The following ZEB1 variants were observed in gnomAD, a reference collection of about 807,000 sequenced individuals.
The protein encoded by ZEB1 is zinc finger E-box binding homeobox 1, also known as zinc finger E-box-binding homeobox 1.
ZEB1 carries 21 observed loss-of-function variants against 84.9 expected under a neutral mutation model. That is an observed-to-expected ratio of 0.25 (90% CI 0.18 to 0.36). The LOEUF (loss-of-function observed/expected upper bound fraction) is 0.36, where lower values mean the gene tolerates loss of function less well. ZEB1 is among the 10% of genes least tolerant of loss of function. The pLI, the probability that ZEB1 is intolerant of heterozygous loss-of-function variation, is 1.00. For missense variants in ZEB1, 1,104 were observed against 1,330.2 expected (o/e 0.83, Z 2.65); for synonymous variants, 420 against 471.1 (o/e 0.89, Z 1.41).
chr10:31,323,963 T>TTGTGTGTGTGTGTGTGTG (rs1564458960), intron 1 of ZEB1, among the ~76,000 whole-genome samples: 22 of 111,738 alleles, frequency 2.0e-4, no homozygotes, highest in African/African-American at 7.2e-4. Flanking sequence ...TCATGGTTCT[T>TTGTGTGTGTGTGTGTGTG]CGTGTGTGTG....
intron 2 of ZEB1, among the ~76,000 whole-genome samples, chr10:31,462,932 A>G (rs965489827): frequency 6.6e-6 from 1 of 152,112 alleles, no homozygotes; most frequent in Non-Finnish European, 1.5e-5. Flanking sequence ...GAAAGGAGAT[A>G]GAATATATAA....
intron 1 of ZEB1, among the ~76,000 whole-genome samples, chr10:31,398,707 C>T (rs1295172957): frequency 3.9e-5 from 6 of 152,170 alleles, no homozygotes; most frequent in Admixed American, 3.9e-4. Context: ...AGATGGTCAT[C>T]TCAGTCTTCC....
intron 2 of ZEB1, among the ~76,000 whole-genome samples, chr10:31,476,830 ATGCAGAAGAGGCTGT>A (rs1456604705): frequency 6.6e-6 from 1 of 152,124 alleles, no homozygotes; most frequent in Non-Finnish European, 1.5e-5. Flanking sequence ...CAATCAATAG[ATGCAGAAGAGGCTGT>A]TGGTAAAATT....
chr10:31,425,990 G>A (rs1447439807), intron 1 of ZEB1, among the ~76,000 whole-genome samples: 2 of 152,122 alleles, frequency 1.3e-5, no homozygotes, highest in Non-Finnish European at 2.9e-5. Flanking sequence ...TATTTTTGGA[G>A]TACCATGGTA....
intron 1 of ZEB1, among the ~76,000 whole-genome samples, chr10:31,443,344 G>T (rs1408559566): frequency 1.3e-5 from 2 of 150,992 alleles, no homozygotes; most frequent in Non-Finnish European, 2.9e-5. Flanking sequence ...TATAGTTATG[G>T]GTTTCATTTC....
intron 1 of ZEB1, among the ~76,000 whole-genome samples, chr10:31,448,146 G>T (rs374546136): frequency 7.1e-6 from 1 of 141,230 alleles, no homozygotes; most frequent in Admixed American, 7.1e-5. Flanking sequence ...TTCCCTTCTC[G>T]CTTCATTTCA....
At chr10:31,334,169 T>G (rs555707239) in intron 1 of ZEB1, among the ~76,000 whole-genome samples, 1 of 152,166 alleles carries the variant, frequency 6.6e-6, no homozygotes, top group African/African-American at 2.4e-5. Flanking sequence ...ATAACAGGAC[T>G]TACAAGCCTG....
intron 1 of ZEB1, among the ~76,000 whole-genome samples, chr10:31,410,345 G>C (rs539604031): frequency 6.6e-6 from 1 of 152,228 alleles, no homozygotes; most frequent in African/African-American, 2.4e-5. Flanking sequence ...TTCATCCCAG[G>C]TATGAAGCTG....
intron 2 of ZEB1, among the ~76,000 whole-genome samples, chr10:31,486,145 G>A (rs1269426554): frequency 6.6e-6 from 1 of 151,754 alleles, no homozygotes; most frequent in Non-Finnish European, 1.5e-5. Flanking sequence ...AAGGACATTT[G>A]GGTTGTTTCC....
chr10:31,343,334 C>G (rs1371044154), intron 1 of ZEB1, among the ~76,000 whole-genome samples: 1 of 152,018 alleles, frequency 6.6e-6, no homozygotes, highest in Non-Finnish European at 1.5e-5. Flanking sequence ...CTTTTAAAGT[C>G]TCTAATTTCT....
rs1218711998 is a variant in ZEB1 at position 31,475,962 on chromosome 10, T to C, written c.259+14725T>C. Among the ~76,000 whole-genome samples the C allele has an allele frequency of 5.3e-5, 8 of 152,154 alleles. No homozygotes were observed. In the East Asian group the frequency reaches 1.2e-3, roughly 22 times the overall value. ...ATATTAACCTTGAACATAAAAGGCC[T>C]AAATATTCCATTTAAAAAATAAACA... On this transcript the variant is annotated intron_variant, in intron 2 of 8. Coordinates refer to ENST00000424869, the MANE Select transcript of ZEB1 (RefSeq NM_001174096.2).
chr10:31,459,431 ATAAT>A (rs1244075300), intron 1 of ZEB1, among the ~76,000 whole-genome samples: 1 of 152,102 alleles, frequency 6.6e-6, no homozygotes, highest in Non-Finnish European at 1.5e-5. Flanking sequence ...GTGCATTGAA[ATAAT>A]TAATAAAATT....
At chr10:31,411,633 C>T (rs1225401097) in intron 1 of ZEB1, among the ~76,000 whole-genome samples, 8 of 76,548 alleles carry the variant, frequency 1.0e-4, no homozygotes, top group Admixed American at 7.7e-4. Context: ...AGCGAGACTC[C>T]GTCTCAAAAA....
At chr10:31,411,799 T>C (rs1564768189) in intron 1 of ZEB1, among the ~76,000 whole-genome samples, 1 of 152,154 alleles carries the variant, frequency 6.6e-6, no homozygotes, top group Non-Finnish European at 1.5e-5. Context: ...TTATTTTGTT[T>C]ACTGCACAAT....
intron 1 of ZEB1, among the ~76,000 whole-genome samples, chr10:31,368,893 A>G (rs1370543557): frequency 6.6e-6 from 1 of 152,198 alleles, no homozygotes. Flanking sequence ...GGTGTTGCCT[A>G]ATAAGTGCTC....
At chr10:31,499,785 T>G (rs1238532671) in intron 3 of ZEB1, among the ~76,000 whole-genome samples, 1 of 151,824 alleles carries the variant, frequency 6.6e-6, no homozygotes, top group Non-Finnish European at 1.5e-5. Context: ...ATAGAAATTA[T>G]CAATAATGAA....
At chr10:31,328,038 G>A (rs1043991906) in intron 1 of ZEB1, among the ~76,000 whole-genome samples, 1 of 151,902 alleles carries the variant, frequency 6.6e-6, no homozygotes, top group African/African-American at 2.4e-5. Flanking sequence ...AATCCCCAAC[G>A]TTTCAGTCAT....
chr10:31,458,618 T>C (rs1486617847), intron 1 of ZEB1, among the ~76,000 whole-genome samples: 1 of 152,070 alleles, frequency 6.6e-6, no homozygotes, highest in Non-Finnish European at 1.5e-5. Flanking sequence ...TCAGATAATA[T>C]TTATGGAAAC....
intron 1 of ZEB1, among the ~76,000 whole-genome samples, chr10:31,419,755 CA>C (rs2136004751): frequency 6.6e-6 from 1 of 152,280 alleles, no homozygotes; most frequent in South Asian, 2.1e-4. Flanking sequence ...AGGGTGAAAA[CA>C]AAGCATTTAT....
Sources: gnomAD v4.1 joint callset for allele counts (sites outside exome capture counted in the v4.1 genomes callset) on GRCh38, gnomAD v4.1.1 for gene constraint, MANE v1.5 for transcripts, NCBI Gene and HGNC (gene_info 2026-07-23, HGNC 2026-07-21) for gene names.